Variants in SRFBP1 observed in about 807,000 individuals in gnomAD.
SRFBP1 encodes serum response factor-binding protein 1.
In SRFBP1, 47 loss-of-function variants were observed where a neutral mutation model predicts 45.5. The observed-to-expected ratio is 1.03, with a 90% CI of 0.82 to 1.32. The LOEUF (loss-of-function observed/expected upper bound fraction) is 1.32, where lower values mean the gene tolerates loss of function less well. Among genes scored for constraint, SRFBP1 ranks in the 40% most tolerant of loss-of-function variants. The probability of loss-of-function intolerance (pLI) is 0.00; values close to 1 mark genes in which losing one functional copy is unlikely to be tolerated. For missense variants in SRFBP1, 621 were observed against 484.6 expected, an observed-to-expected ratio of 1.28 and a Z score of -2.64; for synonymous variants, 203 against 166.3, an observed-to-expected ratio of 1.22 and a Z score of -1.70.
At chr5:122,053,557 C>T (rs1009613463) in intron 2 of SRFBP1, among the ~76,000 whole-genome samples, 1 of 151,918 alleles carries the variant, frequency 6.6e-6, no homozygotes, top group Non-Finnish European at 1.5e-5. Flanking sequence ...GGTGGGCTGG[C>T]CTGCCCTGAC....
intron 2 of SRFBP1, among the ~76,000 whole-genome samples, chr5:122,068,716 G>A (rs1396629559): frequency 6.6e-6 from 1 of 151,958 alleles, no homozygotes; most frequent in Non-Finnish European, 1.5e-5. Flanking sequence ...AGTGTAATAA[G>A]GCTACAGCAG....
intron 2 of SRFBP1, among the ~76,000 whole-genome samples, chr5:122,035,297 T>C (rs537433673): frequency 6.6e-6 from 1 of 152,244 alleles, no homozygotes; most frequent in South Asian, 2.1e-4. Context: ...TTCTCCTGAG[T>C]GTCCAGTGTA....
chr5:122,059,975 C>T (rs1366753015), intron 2 of SRFBP1, among the ~76,000 whole-genome samples: 4 of 152,058 alleles, frequency 2.6e-5, no homozygotes, highest in African/African-American at 7.2e-5. Flanking sequence ...CCTTGACCCT[C>T]CTTTTTGGAA....
intron 1 of SRFBP1, among the ~76,000 whole-genome samples, chr5:121,966,302 A>G (rs1752062699): frequency 6.6e-6 from 1 of 152,236 alleles, no homozygotes; most frequent in African/African-American, 2.4e-5. Context: ...ACTCTTCTAA[A>G]AAATAAACCA....
chr5:122,002,495 C>A (rs1165124453), intron 4 of SRFBP1, among the ~76,000 whole-genome samples: 1 of 152,066 alleles, frequency 6.6e-6, no homozygotes, highest in African/African-American at 2.4e-5. Flanking sequence ...TATTTGAGGT[C>A]CTGATTAGAT....
At chr5:122,076,963 C>T (rs1282574280), downstream of SRFBP1, 1 of 1,613,860 alleles carries the variant, frequency 6.2e-7, no homozygotes, top group South Asian at 1.1e-5. Context: ...TACGTGGACG[C>T]CTGGATGTAG....
At chr5:121,979,148 A>G (rs1447632421) in intron 3 of SRFBP1, among the ~76,000 whole-genome samples, 7 of 152,216 alleles carry the variant, frequency 4.6e-5, no homozygotes, top group South Asian at 2.1e-4. Flanking sequence ...ATGATACATC[A>G]TCAAAATAAT....
At chr5:122,078,330 C>T (rs550045060), downstream of SRFBP1, 39 of 210,446 alleles carry the variant, frequency 1.9e-4, no homozygotes, top group African/African-American at 8.7e-4. Context: ...CGTTCTGGCC[C>T]GGCCGCCCCT....
In SRFBP1 at chr5:122,027,412, A is replaced by ATT. The variant is rs11392277; in HGVS notation, c.*294_*295dup. 4.7e-5 allele frequency: 9 copies of ATT among 189,860 alleles called. No individual in the cohort carries two copies. Among genetic ancestry groups the ATT allele is most frequent in the East Asian group, 1.2e-4 (1 of 8,536 alleles). 11.8% of individuals were successfully genotyped at this position (189,860 alleles called of 1,614,324 possible). ...AGAATTATAGAATGTTTGTTTTTGTATTTTTTTTTAAAGTAAATTCAACTT... is the reference window on the plus strand; with the variant it reads ...AGAATTATAGAATGTTTGTTTTTGTATTTTTTTTTTTAAAGTAAATTCAACTT... On this transcript the variant is annotated 3_prime_UTR_variant, in exon 8 of 8. Transcript: ENST00000339397.
chr5:121,970,636 G>A (rs555503808), intron 1 of SRFBP1, among the ~76,000 whole-genome samples: 1 of 151,342 alleles, frequency 6.6e-6, no homozygotes, highest in Admixed American at 6.6e-5. Flanking sequence ...ATTCCTAAGA[G>A]GTTAACTTAT....
intron 2 of SRFBP1, among the ~76,000 whole-genome samples, chr5:122,056,000 T>C (rs1754071153): frequency 6.6e-6 from 1 of 152,210 alleles, no homozygotes; most frequent in Non-Finnish European, 1.5e-5. Context: ...AACCACTTTC[T>C]TCAGGACTCA....
At chr5:122,051,297 C>T (rs1561409362) in intron 2 of SRFBP1, among the ~76,000 whole-genome samples, 1 of 151,928 alleles carries the variant, frequency 6.6e-6, no homozygotes. Flanking sequence ...AAGTTCAGGC[C>T]CTGAATATCT....
At chr5:121,991,683 A>G (rs1006903204) in intron 3 of SRFBP1, among the ~76,000 whole-genome samples, 4 of 152,190 alleles carry the variant, frequency 2.6e-5, no homozygotes, top group African/African-American at 9.6e-5. Context: ...GTTGTCTAAA[A>G]AAAGTCTTAG....
intron 4 of SRFBP1, among the ~76,000 whole-genome samples, chr5:122,001,959 GTAAC>G (rs1225685522): frequency 2.0e-5 from 3 of 152,104 alleles, no homozygotes; most frequent in African/African-American, 7.2e-5. Flanking sequence ...ATTTATACTT[GTAAC>G]TAACTATAAG....
At chr5:122,058,008 C>T (rs146145052) in intron 2 of SRFBP1, among the ~76,000 whole-genome samples, 16 of 152,206 alleles carry the variant, frequency 1.1e-4, no homozygotes, top group African/African-American at 2.6e-4. Flanking sequence ...AGAGAAGTTC[C>T]TCAAAGTGTA....
chr5:122,056,406 G>C (rs1754078169), intron 2 of SRFBP1, among the ~76,000 whole-genome samples: 1 of 152,162 alleles, frequency 6.6e-6, no homozygotes, highest in Non-Finnish European at 1.5e-5. Flanking sequence ...AGAATTTTAT[G>C]GTTAGAGCAA....
chr5:122,074,852 T>A (rs542446911), intron 2 of SRFBP1, among the ~76,000 whole-genome samples: 1 of 152,312 alleles, frequency 6.6e-6, no homozygotes, highest in East Asian at 1.9e-4. Context: ...GAGGATTTCC[T>A]GAAAATAAAC....
intron 4 of SRFBP1, among the ~76,000 whole-genome samples, chr5:122,017,774 G>T (rs1403314164): frequency 2.6e-5 from 4 of 152,120 alleles, no homozygotes; most frequent in Non-Finnish European, 5.9e-5. Context: ...TATAATACTG[G>T]GTTGGAAATG....
chr5:121,965,882 G>A (rs1752053506), intron 1 of SRFBP1, among the ~76,000 whole-genome samples: 1 of 152,026 alleles, frequency 6.6e-6, no homozygotes, highest in Non-Finnish European at 1.5e-5. Context: ...GTGGTTTGTA[G>A]TTCTTGAAGA....
Sources: allele counts gnomAD v4.1 joint callset (sites outside exome capture counted in the v4.1 genomes callset), GRCh38; gene constraint gnomAD v4.1.1; transcripts MANE v1.5; gene names NCBI Gene and HGNC (gene_info 2026-07-23, HGNC 2026-07-21).